Variants in OR9G1 observed in about 807,000 individuals in gnomAD.
OR9G1 encodes olfactory receptor family 9 subfamily G member 1.
In OR9G1, 21 loss-of-function variants were observed where a neutral mutation model predicts 14.5. The ratio of observed to expected loss-of-function variants is 1.45; its 90% confidence interval spans 1.03 to 2.09. OR9G1 has a LOEUF of 2.09. Among genes scored for constraint, OR9G1 ranks in the 30% most tolerant of loss-of-function variants. The pLI is 0.00. For missense variants in OR9G1, 476 were observed against 364.2 expected (o/e 1.31, Z -2.50); for synonymous variants, 179 against 153.3 (o/e 1.17, Z -1.24).
In OR9G1 at chr11:56,701,243, C is replaced by A. The variant is rs749152551; in HGVS notation, c.856C>A (p.Leu286Ile). The part of the protein sequence containing the change: ...FYTVVFPMLN[L>I]MIYSLRNKDV... The stretch of plus-strand genomic sequence containing the variant: ...CACTGTGGTATTCCCCATGTTGAAT[C>A]TCATGATCTACAGCCTAAGGAATAA... The change falls in exon 2 of 2, where the codon CTC (leucine) becomes ATC (isoleucine). Residue 286 changes from leucine to isoleucine, a missense_variant. Leu to Ile is a conservative substitution (Grantham distance 5). Transcript: ENST00000642097. 2 of 1,614,242 alleles carry A rather than the reference C, an allele frequency of 1.2e-6. No individual in the cohort carries two copies. Among genetic ancestry groups the A allele is most frequent in the Non-Finnish European group, 1.7e-6 (2 of 1,180,032 alleles).
chr11:56,700,856 A>T lies in OR9G1; in HGVS notation c.469A>T (p.Ile157Phe), dbSNP rs768416478. 1 of 1,614,236 alleles carries T rather than the reference A, an allele frequency of 6.2e-7. No homozygotes were observed. Among genetic ancestry groups the T allele is most frequent in the Admixed American group, 1.7e-5 (1 of 60,026 alleles). ...TTGTGGTGGCTTTATTAACTCTTCA[A>T]TCATCACCAAGAAAACGTTTTCCTT... The part of the protein sequence containing the change: ...SYCGGFINSS[I>F]ITKKTFSFNF... The change falls in exon 2 of 2, where the codon ATC (isoleucine) becomes TTC (phenylalanine). Residue 157 changes from isoleucine to phenylalanine, a missense_variant. By Grantham distance (21) the Ile-to-Phe change is conservative. Around this residue, in one of 3 missense-constraint regions of OR9G1, gnomAD observed 352 missense variants for 211.6 expected, o/e 1.66. Coordinates refer to ENST00000642097, the MANE Select transcript of OR9G1 (RefSeq NM_001005213.2).
chr11:56,701,431 CATGT>C lies in OR9G1; in HGVS notation c.*128_*131del. ...CTTCTTGACACGTGAGAGTTACAGA[CATGT>C]ACAATAAGAAAATTAGGAAAATTTC... is the stretch of plus-strand genomic sequence containing the variant. On this transcript the variant is annotated 3_prime_UTR_variant, in exon 2 of 2. Coordinates refer to ENST00000642097, the MANE Select transcript of OR9G1 (RefSeq NM_001005213.2). The C allele has an allele frequency of 1.1e-5, 15 of 1,329,750 alleles. No homozygotes were observed. Among genetic ancestry groups the C allele is most frequent in the South Asian group, 4.9e-5 (3 of 61,058 alleles). 82.4% of individuals were successfully genotyped at this position (1,329,750 alleles called of 1,614,324 possible).
rs752141569 is a variant in OR9G1 at position 56,701,285 on chromosome 11, C to T, written c.898C>T (p.Leu300=). Residue 300 remains leucine, a synonymous_variant, in exon 2 of 2, where the codon CTG becomes TTG. Coordinates refer to ENST00000642097, the MANE Select transcript of OR9G1 (RefSeq NM_001005213.2). ...AAGGAATAAGGATGTGAAAGAGGCT[C>T]TGAAAAAACTTCTCCCATAAATCAA... ...SLRNKDVKEA[L]KKLLP 1.9e-5 allele frequency: 31 copies of T among 1,604,450 alleles called. No homozygotes were observed. Among genetic ancestry groups the T allele is most frequent in the Admixed American group, 3.5e-5 (2 of 57,902 alleles).
chr11:56,702,194 G>A lies in OR9G1; in HGVS notation c.*889G>A, dbSNP rs1015427691. 6.6e-6 allele frequency: 1 copy of A among 152,290 alleles called. No homozygotes were observed. Among genetic ancestry groups the A allele is most frequent in the African/African-American group, 2.4e-5 (1 of 41,486 alleles). The allele number at this position is 152,290 out of a possible 1,614,324, so 9.4% of individuals were successfully genotyped here. ...TTTCACTTAGCATAATGTCTTCTAGGTTTATTCACGTTGTTGTAGGTGACA... is the reference window on the plus strand; with the variant it reads ...TTTCACTTAGCATAATGTCTTCTAGATTTATTCACGTTGTTGTAGGTGACA... On this transcript the variant is annotated 3_prime_UTR_variant, in exon 2 of 2. Coordinates refer to ENST00000642097, the MANE Select transcript of OR9G1 (RefSeq NM_001005213.2).
chr11:56,701,212 A>G lies in OR9G1; in HGVS notation c.825A>G (p.Thr275=), dbSNP rs1192133733. The G allele has an allele frequency of 1.2e-6, 2 of 1,614,180 alleles. No individual in the cohort carries two copies. The highest frequency in any genetic ancestry group is 1.7e-6 in the Non-Finnish European group (2 of 1,180,056). The part of the protein sequence containing the change: ...YSFDMDKIVS[T]FYTVVFPMLN... ...TTGATATGGACAAAATAGTTTCTAC[A>G]TTTTACACTGTGGTATTCCCCATGT... Residue 275 remains threonine (T), a synonymous_variant, in exon 2 of 2, where the codon ACA becomes ACG. Transcript: ENST00000642097.
Position 56,701,144 on chromosome 11 carries a change from T to A in OR9G1, c.757T>A (p.Ser253Thr). Residue 253 changes from serine (S) to threonine (T), a missense_variant, in exon 2 of 2, where the codon TCC becomes ACC. Around this residue, in one of 3 missense-constraint regions of OR9G1, gnomAD observed 352 missense variants for 211.6 expected, o/e 1.66. Transcript: ENST00000642097. ...GACCTCTGTCACTTTATACTATGGC[T>A]CCATTCTCTACATCTACGCTCTCCC... The part of the protein sequence containing the change: ...HLTSVTLYYG[S>T]ILYIYALPRS... 6.2e-7 allele frequency: 1 copy of A among 1,614,320 alleles called. No individual in the cohort carries two copies. The highest frequency in any genetic ancestry group is 8.5e-7 in the Non-Finnish European group (1 of 1,180,062).
Position 56,700,583 on chromosome 11 carries a change from T to A in OR9G1, c.196T>A (p.Ser66Thr). ...TPMYFFTGNL[S>T]FLDLWYSSVY... The stretch of plus-strand genomic sequence containing the variant: ...CATGTATTTTTTCACTGGAAATCTG[T>A]CGTTTCTGGATCTCTGGTATTCTTC... The change falls in exon 2 of 2, where the codon TCG becomes ACG. Residue 66 changes from serine to threonine, a missense_variant. Transcript: ENST00000642097. 1 of 1,614,252 alleles carries A rather than the reference T, an allele frequency of 6.2e-7. No homozygotes were observed. The highest frequency in any genetic ancestry group is 2.2e-5 in the East Asian group (1 of 44,896).
At chr11:56,699,965 A>T (rs78001321) in intron 1 of OR9G1, among the ~76,000 whole-genome samples, 1 of 152,308 alleles carries the variant, frequency 6.6e-6, no homozygotes, top group Admixed American at 6.5e-5. Context: ...CATAGAAACT[A>T]GAGGAAAAAT....
Position 56,700,446 on chromosome 11 carries a change from C to A in OR9G1, c.59C>A (p.Pro20Gln). The change falls in exon 2 of 2, where the codon CCA becomes CAA. Residue 20 changes from proline (P) to glutamine (Q), a missense_variant. Transcript: ENST00000642097. ...ATACTGCTGGGCTTCACCACAGACC[C>A]AGGAATGCAGCTGGGCCTCTTCGTG... ...EFILLGFTTD[P>Q]GMQLGLFVVF... 1 of 1,614,312 alleles carries A rather than the reference C, an allele frequency of 6.2e-7. No homozygotes were observed. The highest frequency in any genetic ancestry group is 1.7e-5 in the Admixed American group (1 of 60,034).
Position 56,701,181 on chromosome 11 carries a change from A to G in OR9G1, c.794A>G (p.Tyr265Cys). The part of the protein sequence containing the change: ...LYIYALPRSS[Y>C]SFDMDKIVST... ...ATCTACGCTCTCCCCAGATCTAGCT[A>G]TTCTTTTGATATGGACAAAATAGTT... Residue 265 changes from tyrosine to cysteine, a missense_variant, in exon 2 of 2, where the codon TAT (tyrosine) becomes TGT (cysteine). Transcript: ENST00000642097. The G allele has an allele frequency of 6.2e-7, 1 of 1,614,310 alleles. No homozygotes were observed. Among genetic ancestry groups the G allele is most frequent in the East Asian group, 2.2e-5 (1 of 44,896 alleles).
intron 1 of OR9G1, 103 bp from the exon 2 acceptor site, chr11:56,700,267 T>C: frequency 3.4e-6 from 5 of 1,457,656 alleles, no homozygotes; most frequent in Non-Finnish European, 4.5e-6. Flanking sequence ...AATTAGATTG[T>C]TGGTTCTAGA....
chr11:56,700,929 T>G lies in OR9G1; in HGVS notation c.542T>G (p.Leu181Arg), dbSNP rs758489390. The change falls in exon 2 of 2, where the codon CTT becomes CGT. Residue 181 changes from leucine (L) to arginine (R), a missense_variant. Physicochemically the swap from Leu to Arg is moderately radical, Grantham distance 102. Transcript: ENST00000642097. ...NIIDDFFCDL[L>R]PLVELACGEK... Reference sequence around the variant, plus strand: ...ATTGATGACTTTTTCTGTGATTTGCTTCCCTTGGTGGAGCTGGCCTGTGGC... The same window carrying G: ...ATTGATGACTTTTTCTGTGATTTGCGTCCCTTGGTGGAGCTGGCCTGTGGC... 3.1e-6 allele frequency: 5 copies of G among 1,614,256 alleles called. No homozygotes were observed. The South Asian group carries it at 5.5e-5, about 18-fold the overall frequency.
intron 1 of OR9G1, 32 bp from the exon 2 acceptor site, chr11:56,700,338 A>G (rs781674929): frequency 6.2e-7 from 1 of 1,604,634 alleles, no homozygotes; most frequent in East Asian, 2.2e-5. Flanking sequence ...CATGACAGTA[A>G]TGCAAACTGA....
chr11:56,701,599 T>C lies in OR9G1; in HGVS notation c.*294T>C, dbSNP rs1222124229. 8 of 417,304 alleles carry C rather than the reference T, an allele frequency of 1.9e-5. No individual in the cohort carries two copies. The East Asian group carries it at 2.4e-4, about 12-fold the overall frequency. The allele number at this position is 417,304 out of a possible 1,614,324, so 25.9% of individuals were successfully genotyped here. A position where few individuals can be genotyped will look rare whatever the true frequency, so the allele number is the denominator to read the frequency against. ...ACAGCCTACCTCATTAGCCTAAGATTTGGCTAACTGATACATATAGAAGAG... is the reference window on the plus strand; with the variant it reads ...ACAGCCTACCTCATTAGCCTAAGATCTGGCTAACTGATACATATAGAAGAG... On this transcript the variant is annotated 3_prime_UTR_variant, in exon 2 of 2. Transcript: ENST00000642097.
chr11:56,700,853 TC>T lies in OR9G1; in HGVS notation c.467del (p.Ser156Ter). On this transcript the variant is annotated frameshift_variant, in exon 2 of 2. Coordinates refer to ENST00000642097, the MANE Select transcript of OR9G1 (RefSeq NM_001005213.2). LOFTEE classifies it high-confidence loss of function. Reference protein sequence around the residue: ...VSYCGGFINSSIITKKTFSFN... With the variant: ...VSYCGGFINSXIITKKTFSFN... ...ATATTGTGGTGGCTTTATTAACTCTTCAATCATCACCAAGAAAACGTTTTCC... is the reference window on the plus strand; with the variant it reads ...ATATTGTGGTGGCTTTATTAACTCTTAATCATCACCAAGAAAACGTTTTCC... 6.2e-7 allele frequency: 1 copy of T among 1,614,316 alleles called. No homozygotes were observed.
In OR9G1 at chr11:56,701,039, C is replaced by G. The variant is rs746643841; in HGVS notation, c.652C>G (p.Leu218Val). 5 of 1,614,162 alleles carry G rather than the reference C, an allele frequency of 3.1e-6. No homozygotes were observed. The highest frequency in any genetic ancestry group is 4.2e-6 in the Non-Finnish European group (5 of 1,180,032). Reference sequence around the variant, plus strand: ...CGCAGTGCTCATCCTGGCCTCCTACCTCTTTATCATCACCAGTGTCTTGAG... The same window carrying G: ...CGCAGTGCTCATCCTGGCCTCCTACGTCTTTATCATCACCAGTGTCTTGAG... ...CPAVLILASY[L>V]FIITSVLRIS... Residue 218 changes from leucine to valine, a missense_variant, in exon 2 of 2, where the codon CTC (leucine) becomes GTC (valine). By Grantham distance (32) the Leu-to-Val change is conservative. Transcript: ENST00000642097.
Position 56,701,494 on chromosome 11 carries a change from T to A in OR9G1, c.*189T>A. The stretch of plus-strand genomic sequence containing the variant: ...ACATCTGAATATATAAGAATTTGAA[T>A]TGAATTTCCTATCTCTCTTATTAAA... On this transcript the variant is annotated 3_prime_UTR_variant, in exon 2 of 2. Coordinates refer to ENST00000642097, the MANE Select transcript of OR9G1 (RefSeq NM_001005213.2). 1 of 686,196 alleles carries A rather than the reference T, an allele frequency of 1.5e-6. No individual in the cohort carries two copies. The highest frequency in any genetic ancestry group is 3.7e-4 in the Middle Eastern group (1 of 2,724). 42.5% of individuals were successfully genotyped at this position (686,196 alleles called of 1,614,324 possible). A position where few individuals can be genotyped will look rare whatever the true frequency, so the allele number is the denominator to read the frequency against.
In OR9G1 at chr11:56,700,770, C is replaced by T. The variant is rs1374060879; in HGVS notation, c.383C>T (p.Pro128Leu). Residue 128 changes from proline (P) to leucine (L), a missense_variant, in exon 2 of 2, where the codon CCC becomes CTC. Pro to Leu is a moderately conservative substitution (Grantham distance 98, BLOSUM62 -3). This residue lies in a region of OR9G1 where 352 missense variants were observed against 211.6 expected (regional missense o/e 1.66). Transcript: ENST00000642097. ...AYDRYVAISK[P>L]LLYAQAMSIK... ...GACCGCTACGTGGCCATCTCCAAGCCCCTGCTTTATGCCCAGGCCATGTCC... is the reference window on the plus strand; with the variant it reads ...GACCGCTACGTGGCCATCTCCAAGCTCCTGCTTTATGCCCAGGCCATGTCC... 5 of 1,614,198 alleles carry T rather than the reference C, an allele frequency of 3.1e-6. No individual in the cohort carries two copies. The African/African-American group carries it at 5.3e-5, about 17-fold the overall frequency.
At chr11:56,700,323 A>C in intron 1 of OR9G1, 47 bp from the exon 2 acceptor site, 2 of 1,585,018 alleles carry the variant, frequency 1.3e-6, no homozygotes, top group Non-Finnish European at 1.7e-6. Context: ...ATAATTCTAC[A>C]TATTCATGAC....
Sources: allele counts gnomAD v4.1 joint callset (sites outside exome capture counted in the v4.1 genomes callset), GRCh38; gene constraint gnomAD v4.1.1; regional missense constraint gnomAD v4.1.1; transcripts MANE v1.5; gene names NCBI Gene and HGNC (gene_info 2026-07-23, HGNC 2026-07-21).